The following PAK4 variants were observed in gnomAD, a reference collection of about 807,000 sequenced individuals.
The protein encoded by PAK4 is p21 (RAC1) activated kinase 4.
PAK4 carries 49 observed loss-of-function variants against 53.5 expected under a neutral mutation model. The observed-to-expected ratio is 0.92, with a 90% CI of 0.73 to 1.16. The LOEUF (loss-of-function observed/expected upper bound fraction) is 1.16. PAK4 is among the 50% of genes most tolerant of loss of function. PAK4 has a pLI of 0.00. For synonymous variants in PAK4, 376 were observed against 375.6 expected (o/e 1.00, Z -0.01); for missense variants, 824 against 850.7 (o/e 0.97, Z 0.39).
At chr19:39,177,453 CAGAA>C (rs918981606) in intron 7 of PAK4, among the ~76,000 whole-genome samples, 3 of 151,280 alleles carry the variant, frequency 2.0e-5, no homozygotes, top group Non-Finnish European at 1.5e-5. Context: ...GGGCAGTTGA[CAGAA>C]AGAAGAGGGG....
At chr19:39,163,989 A>G (rs1434780397) in intron 1 of PAK4, among the ~76,000 whole-genome samples, 1 of 152,194 alleles carries the variant, frequency 6.6e-6, no homozygotes, top group Non-Finnish European at 1.5e-5. Flanking sequence ...AAAGAATTAC[A>G]CATATGGCTG....
chr19:39,131,373 G>T (rs892322527), intron 1 of PAK4, among the ~76,000 whole-genome samples: 8 of 152,090 alleles, frequency 5.3e-5, no homozygotes, highest in Non-Finnish European at 1.2e-4. Context: ...TCTACTCCTC[G>T]TCCCACTGGC....
At chr19:39,134,335 G>A (rs140434205) in intron 1 of PAK4, among the ~76,000 whole-genome samples, 2 of 152,272 alleles carry the variant, frequency 1.3e-5, no homozygotes, top group East Asian at 1.9e-4. Context: ...CCCAAAAGCC[G>A]CCTGCCCATA....
At position 39,175,166 on chromosome 19, in the gene PAK4, G is replaced by A; in HGVS notation, c.1232+102G>A. 1.3e-6 allele frequency: 2 copies of A among 1,507,080 alleles called. No homozygotes were observed. Among genetic ancestry groups the A allele is most frequent in the Non-Finnish European group, 1.8e-6 (2 of 1,109,024 alleles). The allele number at this position is 1,507,080 out of a possible 1,614,324, so 93.4% of individuals were successfully genotyped here. On this transcript the variant is annotated intron_variant, in intron 5 of 8. Transcript: ENST00000358301. The surrounding 1 kb of genome is among the most constrained non-coding windows in gnomAD (Gnocchi z 4.7). ...CAAACCAGCTGTGCTCCGGGCCCCT[G>A]GGATGGGGTCGTGTCTTCCATTCCT...
exon 9 of PAK4, chr19:39,179,253 G>T (rs542325659): frequency 2.0e-5 from 3 of 152,710 alleles, no homozygotes; most frequent in South Asian, 4.1e-4. Context: ...TCTAGCCCCT[G>T]CCCTTATTGG....
At chr19:39,139,306 A>C (rs1207940469) in intron 1 of PAK4, among the ~76,000 whole-genome samples, 1 of 151,780 alleles carries the variant, frequency 6.6e-6, no homozygotes, top group Non-Finnish European at 1.5e-5. Context: ...ATCTGCTGCA[A>C]CTCCTGCAGA....
intron 1 of PAK4, among the ~76,000 whole-genome samples, chr19:39,164,657 T>G (rs11881029): frequency 0.019 from 2,834 of 152,158 alleles, 91 homozygotes; most frequent in African/African-American, 0.065. Flanking sequence ...AGCAAAGGGT[T>G]TAAGGCTGTG....
chr19:39,169,535 G>T (rs370008929), exon 2 of PAK4: 2 of 1,608,590 alleles, frequency 1.2e-6, no homozygotes, highest in East Asian at 2.2e-5. Context: ...CCCGCAGGCC[G>T]CACCGAGTCC....
chr19:39,154,456 A>G (rs1022563893), intron 1 of PAK4, among the ~76,000 whole-genome samples: 25 of 152,202 alleles, frequency 1.6e-4, no homozygotes, highest in Non-Finnish European at 3.4e-4. Context: ...CTGAAAGTCT[A>G]GTAGCGGTTG....
At chr19:39,177,186 A>T (rs1395977074) in intron 7 of PAK4, among the ~76,000 whole-genome samples, 1 of 152,156 alleles carries the variant, frequency 6.6e-6, no homozygotes, top group Non-Finnish European at 1.5e-5. Context: ...CCTTCTGAGC[A>T]TTGTTTTCAC....
In PAK4 at chr19:39,178,173, A is replaced by C. The variant is rs549295181; in HGVS notation, c.1621-251A>C. On this transcript the variant is annotated intron_variant, in intron 8 of 8. Coordinates refer to ENST00000358301, the Ensembl canonical transcript of PAK4. The surrounding 1 kb of genome is among the most constrained non-coding windows in gnomAD (Gnocchi z 4.4). The stretch of plus-strand genomic sequence containing the variant: ...GTTGCTTTCAGCTTCTTGCTAAACC[A>C]TGGAAATAGGGAGTACATGAGCCCC... 1.3e-5 allele frequency among the ~76,000 whole-genome samples: 2 copies of C among 152,132 alleles called. No homozygotes were observed. Among genetic ancestry groups the C allele is most frequent in the East Asian group, 1.9e-4 (1 of 5,166 alleles).
chr19:39,167,239 C>T (rs551487428), intron 1 of PAK4, among the ~76,000 whole-genome samples: 2 of 152,248 alleles, frequency 1.3e-5, no homozygotes, highest in East Asian at 3.9e-4. Context: ...CGGGATGGGG[C>T]GGGGCGACAG....
exon 3 of PAK4, chr19:39,172,942 G>A (rs758316777): frequency 6.5e-7 from 1 of 1,541,364 alleles, no homozygotes; most frequent in South Asian, 1.2e-5. Flanking sequence ...CAGCAAAGGT[G>A]CCAAAGATGG....
chr19:39,176,500 C>A, intron 6 of PAK4, 90 bp from the exon 8 acceptor site: 1 of 1,561,352 alleles, frequency 6.4e-7, no homozygotes, highest in South Asian at 1.1e-5. Context: ...CACATTGTGT[C>A]TGAAGCCAAG....
At chr19:39,163,787 C>A (rs1405326352) in intron 1 of PAK4, among the ~76,000 whole-genome samples, 1 of 152,204 alleles carries the variant, frequency 6.6e-6, no homozygotes, top group East Asian at 1.9e-4. Flanking sequence ...CAGGTCCCAG[C>A]TGCTTATCTG....
chr19:39,162,322 G>C (rs1345429274), intron 1 of PAK4, among the ~76,000 whole-genome samples: 1 of 147,142 alleles, frequency 6.8e-6, no homozygotes, highest in Non-Finnish European at 1.5e-5. Flanking sequence ...GCAGTGGCAC[G>C]ATCACTCACT....
downstream of PAK4, chr19:39,180,309 G>T (rs1357011010): frequency 6.6e-6 from 1 of 151,150 alleles, no homozygotes; most frequent in African/African-American, 2.4e-5. Flanking sequence ...TGAGGTGGAT[G>T]CCTTTCTGGA....
intron 1 of PAK4, among the ~76,000 whole-genome samples, chr19:39,159,228 C>T (rs540836936): frequency 2.0e-5 from 3 of 152,312 alleles, no homozygotes; most frequent in East Asian, 3.9e-4. Flanking sequence ...AGCCCCTGTA[C>T]TGCGCCAGGC....
At chr19:39,147,367 T>C (rs968076767) in intron 1 of PAK4, among the ~76,000 whole-genome samples, 2 of 152,238 alleles carry the variant, frequency 1.3e-5, no homozygotes, top group Admixed American at 1.3e-4. Flanking sequence ...TTCCGTGGTC[T>C]GGATGCCCCA....
Sources: gnomAD v4.1 joint callset for allele counts (sites outside exome capture counted in the v4.1 genomes callset) on GRCh38, gnomAD v4.1.1 for gene constraint, Gnocchi (gnomAD v3.1) non-coding constraint, MANE v1.5 for transcripts, NCBI Gene and HGNC (gene_info 2026-07-23, HGNC 2026-07-21) for gene names.